The following CYTH3 variants were observed in gnomAD, a reference collection of about 807,000 sequenced individuals.
CYTH3 encodes cytohesin 3.
In CYTH3, 23 loss-of-function variants were observed where a neutral mutation model predicts 55.1. The ratio of observed to expected loss-of-function variants is 0.42; its 90% CI spans 0.30 to 0.59. The LOEUF (loss-of-function observed/expected upper bound fraction) is 0.59. Ranked by LOEUF, CYTH3 falls within the 20% of genes least tolerant of loss-of-function variation. CYTH3 has a pLI of 0.20. For synonymous variants in CYTH3, 249 were observed against 194.9 expected (o/e 1.28, Z -2.31); for missense variants, 413 against 524.8 (o/e 0.79, Z 2.08).
chr7:6,219,931 A>G (rs1784514647), intron 1 of CYTH3, among the ~76,000 whole-genome samples: 1 of 152,234 alleles, frequency 6.6e-6, no homozygotes, highest in Non-Finnish European at 1.5e-5. Flanking sequence ...ATATTATTCA[A>G]GACTGTGGTG....
At chr7:6,230,236 G>A (rs960212905) in intron 1 of CYTH3, among the ~76,000 whole-genome samples, 2 of 152,214 alleles carry the variant, frequency 1.3e-5, no homozygotes, top group Non-Finnish European at 2.9e-5. Flanking sequence ...AGTGATGCAT[G>A]TGGCCGTTAT....
intron 1 of CYTH3, among the ~76,000 whole-genome samples, chr7:6,211,952 C>T (rs1278565115): frequency 1.3e-5 from 2 of 152,048 alleles, no homozygotes; most frequent in Non-Finnish European, 2.9e-5. Flanking sequence ...TGCCACTGCA[C>T]TCCAGCCTGG....
intron 1 of CYTH3, among the ~76,000 whole-genome samples, chr7:6,245,376 AG>A (rs1287785742): frequency 1.3e-5 from 2 of 152,116 alleles, no homozygotes; most frequent in African/African-American, 4.8e-5. Flanking sequence ...AGAGAGTTTC[AG>A]GCCCCACAAA....
chr7:6,171,155 T>C lies in CYTH3; in HGVS notation c.562+47A>G, dbSNP rs1435989332. The C allele has an allele frequency of 1.2e-6, 2 of 1,607,290 alleles. No individual in the cohort carries two copies. Among genetic ancestry groups the C allele is most frequent in the Admixed American group, 3.3e-5 (2 of 59,884 alleles). On this transcript the variant is annotated intron_variant, in intron 7 of 12. Coordinates refer to ENST00000350796, the MANE Select transcript of CYTH3 (RefSeq NM_004227.4). This position sits in a 1 kb window ranked among gnomAD's most constrained non-coding sequence, Gnocchi z 6.7. ...CCACAGGGGCCGCCCCCTCCAGAGC[T>C]GGAGGCTGTGCCTGGCAAGGGGCCA...
At chr7:6,187,783 A>G in intron 2 of CYTH3, 62 bp from the exon 3 acceptor site, 2 of 1,381,944 alleles carry the variant, frequency 1.4e-6, no homozygotes, top group Non-Finnish European at 2.1e-6. Flanking sequence ...CCTGAGACTC[A>G]GAAATTTTAG....
chr7:6,254,447 TATG>T (rs1377741256), intron 1 of CYTH3, among the ~76,000 whole-genome samples: 8 of 152,204 alleles, frequency 5.3e-5, no homozygotes, highest in Non-Finnish European at 1.2e-4. Flanking sequence ...TGAAAAGCGT[TATG>T]ATGTTTGTAA....
chr7:6,173,173 G>A, intron 6 of CYTH3: 1 of 601,248 alleles, frequency 1.7e-6, no homozygotes, highest in Non-Finnish European at 2.1e-6. Context: ...CAGAGCAGGA[G>A]GAAGACAACG....
intron 1 of CYTH3, among the ~76,000 whole-genome samples, chr7:6,237,841 CT>C (rs1249817164): frequency 2.0e-5 from 3 of 152,212 alleles, no homozygotes; most frequent in Non-Finnish European, 4.4e-5. Flanking sequence ...TATGTTTACT[CT>C]CTTCCTGTAA....
intron 1 of CYTH3, among the ~76,000 whole-genome samples, chr7:6,213,870 G>T (rs1156717982): frequency 6.6e-6 from 1 of 152,050 alleles, no homozygotes; most frequent in Non-Finnish European, 1.5e-5. Flanking sequence ...CTGCCCACCA[G>T]GAGAACTTGG....
chr7:6,187,793 G>T, intron 2 of CYTH3, 72 bp from the exon 3 acceptor site: 1 of 1,284,202 alleles, frequency 7.8e-7, no homozygotes, highest in Non-Finnish European at 1.1e-6. Flanking sequence ...AGAAATTTTA[G>T]TTCTCTTGTG....
intron 1 of CYTH3, among the ~76,000 whole-genome samples, chr7:6,225,035 G>A (rs1044560503): frequency 3.9e-5 from 6 of 152,196 alleles, no homozygotes; most frequent in African/African-American, 1.2e-4. Flanking sequence ...AGTGGCTGGC[G>A]CTGGGGTAAG....
At chr7:6,189,943 G>A (rs1195024915) in intron 2 of CYTH3, among the ~76,000 whole-genome samples, 1 of 152,122 alleles carries the variant, frequency 6.6e-6, no homozygotes, top group African/African-American at 2.4e-5. Context: ...GACTGAGGCA[G>A]GAGAATGGCG....
intron 1 of CYTH3, among the ~76,000 whole-genome samples, chr7:6,242,322 C>T (rs1460415257): frequency 2.6e-5 from 4 of 151,548 alleles, no homozygotes; most frequent in South Asian, 2.1e-4. Context: ...ATGATCCACC[C>T]GCCTCGGCCT....
At chr7:6,210,968 G>C (rs192228324) in intron 1 of CYTH3, among the ~76,000 whole-genome samples, 3 of 152,180 alleles carry the variant, frequency 2.0e-5, no homozygotes, top group Admixed American at 6.5e-5. Context: ...CGATATTCCG[G>C]AATTTTTTCT....
rs115566722 is a variant in CYTH3 at position 6,254,418 on chromosome 7, G to A, written c.34+18056C>T. Reference sequence around the variant, plus strand: ...ATGTAGGAGAATGTCCTTAGAAGACGAGTGCTAAAGTATTTCTTTGAAAAG... The same window carrying A: ...ATGTAGGAGAATGTCCTTAGAAGACAAGTGCTAAAGTATTTCTTTGAAAAG... On this transcript the variant is annotated intron_variant, in intron 1 of 12. Coordinates refer to ENST00000350796, the MANE Select transcript of CYTH3 (RefSeq NM_004227.4). 3.0e-3 allele frequency among the ~76,000 whole-genome samples: 451 copies of A among 152,334 alleles called. 3 individuals carry two copies. The highest frequency in any genetic ancestry group is 0.011 in the African/African-American group (444 of 41,582).
chr7:6,212,395 C>T (rs1393434666), intron 1 of CYTH3, among the ~76,000 whole-genome samples: 1 of 152,200 alleles, frequency 6.6e-6, no homozygotes, highest in Middle Eastern at 3.2e-3. Flanking sequence ...TCTTGTAAAA[C>T]TCTGTACCCA....
In CYTH3 at chr7:6,259,743, A is replaced by AT. The variant is rs1554255055; in HGVS notation, c.34+12730_34+12731insA. Among the ~76,000 whole-genome samples the AT allele has an allele frequency of 4.4e-4, 16 of 36,166 alleles. 1 individual carries two copies. Among genetic ancestry groups the AT allele is most frequent in the African/African-American group, 2.3e-3 (16 of 6,858 alleles). The allele number at this position is 36,166 out of a possible 152,430, so 23.7% of individuals were successfully genotyped here. A position where few individuals can be genotyped will look rare whatever the true frequency, so the allele number is the denominator to read the frequency against. ...CAAAATATTTTACATACATATATAT[A>AT]ATATATATATATATTATATATATAT... On this transcript the variant is annotated intron_variant, in intron 1 of 12. Transcript: ENST00000350796.
intron 1 of CYTH3, among the ~76,000 whole-genome samples, chr7:6,214,322 A>G (rs868402083): frequency 1.8e-4 from 27 of 152,342 alleles, no homozygotes; most frequent in African/African-American, 6.0e-4. Context: ...GTATTTTGAA[A>G]ATTCAAAACA....
At chr7:6,244,017 G>T (rs1056113688) in intron 1 of CYTH3, among the ~76,000 whole-genome samples, 1 of 152,178 alleles carries the variant, frequency 6.6e-6, no homozygotes, top group Non-Finnish European at 1.5e-5. Flanking sequence ...GAATTTATTA[G>T]AATTCCTGTA....
Sources: allele counts gnomAD v4.1 joint callset (sites outside exome capture counted in the v4.1 genomes callset), GRCh38; gene constraint gnomAD v4.1.1; non-coding constraint Gnocchi (gnomAD v3.1); transcripts MANE v1.5; gene names NCBI Gene and HGNC (gene_info 2026-07-23, HGNC 2026-07-21).